Variants in ESR1 observed in about 807,000 individuals in gnomAD.
ESR1 encodes estrogen receptor 1.
A neutral mutation model predicts 52.7 loss-of-function variants in ESR1; 12 were observed. The ratio of observed to expected loss-of-function variants is 0.23; its 90% CI spans 0.15 to 0.37. The LOEUF (loss-of-function observed/expected upper bound fraction) is 0.37. ESR1 is among the 10% of genes least tolerant of loss of function. ESR1 has a pLI of 1.00. For missense variants in ESR1, 584 were observed against 779.7 expected, an observed-to-expected ratio of 0.75 and a Z score of 2.99; for synonymous variants, 305 against 316.8, an observed-to-expected ratio of 0.96 and a Z score of 0.39.
chr6:151,860,780 T>G (rs947701450), intron 2 of ESR1, among the ~76,000 whole-genome samples: 6 of 152,218 alleles, frequency 3.9e-5, no homozygotes, highest in Non-Finnish European at 8.8e-5. Context: ...TACAATTGAC[T>G]GTATAAATGT....
intron 1 of ESR1, among the ~76,000 whole-genome samples, chr6:151,809,579 G>A (rs1425977762): frequency 6.6e-6 from 1 of 152,142 alleles, no homozygotes; most frequent in Non-Finnish European, 1.5e-5. Flanking sequence ...GTAAGCCGTG[G>A]ACCAGTTTTT....
At chr6:151,815,646 G>A (rs941432861) in intron 1 of ESR1, among the ~76,000 whole-genome samples, 3 of 152,208 alleles carry the variant, frequency 2.0e-5, no homozygotes, top group African/African-American at 7.2e-5. Flanking sequence ...AGCATTCCAA[G>A]TACAGTCGGC....
At chr6:151,771,217 T>C (rs960753378) in intron 2 of ESR1, among the ~76,000 whole-genome samples, 3 of 152,228 alleles carry the variant, frequency 2.0e-5, no homozygotes, top group African/African-American at 4.8e-5. Context: ...TGATATACTT[T>C]TTATTGCTCA....
At chr6:151,732,673 G>A (rs1283950248) in intron 2 of ESR1, among the ~76,000 whole-genome samples, 1 of 151,982 alleles carries the variant, frequency 6.6e-6, no homozygotes, top group Non-Finnish European at 1.5e-5. Context: ...CCTTAACCCA[G>A]AATTAACTTC....
At chr6:151,780,375 AG>A (rs1786438002) in intron 2 of ESR1, among the ~76,000 whole-genome samples, 1 of 151,984 alleles carries the variant, frequency 6.6e-6, no homozygotes, top group African/African-American at 2.4e-5. Context: ...AAAAAGAAAA[AG>A]AAAAAAAACC....
intron 2 of ESR1, among the ~76,000 whole-genome samples, chr6:151,748,851 G>A (rs1021257687): frequency 5.9e-5 from 9 of 152,140 alleles, no homozygotes; most frequent in Non-Finnish European, 1.2e-4. Flanking sequence ...AAATATGCAG[G>A]CATAGAGATT....
At chr6:151,830,533 T>C (rs1428930664) in intron 1 of ESR1, among the ~76,000 whole-genome samples, 1 of 152,220 alleles carries the variant, frequency 6.6e-6, no homozygotes, top group East Asian at 1.9e-4. Flanking sequence ...TTACCTTTTT[T>C]CTATCATCCA....
chr6:151,997,053 G>T (rs1032573442), intron 4 of ESR1, among the ~76,000 whole-genome samples: 1 of 151,330 alleles, frequency 6.6e-6, no homozygotes, highest in East Asian at 2.0e-4. Flanking sequence ...TATGTAAGTA[G>T]ACTTCCTAGT....
rs1585264303 is a variant in ESR1 at position 152,101,758 on chromosome 6, C to T, written c.*2792C>T. On this transcript the variant is annotated 3_prime_UTR_variant, in exon 8 of 8. Transcript: ENST00000206249. ...ATGGTGGGGAAGTGGATTCAGGAAT[C>T]TGGGGAATGGCAAATATATTAAGAA... The T allele has an allele frequency of 1.3e-5, 3 of 230,484 alleles. No individual in the cohort carries two copies. The East Asian group carries it at 1.9e-4, about 14-fold the overall frequency. 14.3% of individuals were successfully genotyped at this position (230,484 alleles called of 1,614,324 possible). A position where few individuals can be genotyped will look rare whatever the true frequency, so the allele number is the denominator to read the frequency against.
rs1156493076 is a variant in ESR1, at chr6:151,850,080, T to TTATA, written c.643+7302_643+7305dup. Among the ~76,000 whole-genome samples, 1,675 of 48,454 alleles carry TTATA rather than the reference T, an allele frequency of 0.035. 219 individuals carry two copies. In the East Asian group the frequency reaches 0.38, roughly 11 times the overall value. 31.8% of individuals were successfully genotyped at this position (48,454 alleles called of 152,430 possible). ...TATAATTTTATATATATATAAAAAA[T>TTATA]TATATATATATAATTTTATATATAT... On this transcript the variant is annotated intron_variant, in intron 2 of 7. Transcript: ENST00000206249.
At chr6:151,773,973 T>C (rs1785737568) in intron 2 of ESR1, among the ~76,000 whole-genome samples, 1 of 151,818 alleles carries the variant, frequency 6.6e-6, no homozygotes, top group Non-Finnish European at 1.5e-5. Flanking sequence ...GAGAAAGCTT[T>C]CTGAAATAAG....
intron 6 of ESR1, among the ~76,000 whole-genome samples, chr6:152,072,320 T>C (rs1447008170): frequency 6.6e-6 from 1 of 152,166 alleles, no homozygotes; most frequent in Non-Finnish European, 1.5e-5. Flanking sequence ...GCATTTTATG[T>C]CTTATCCTCT....
intron 3 of ESR1, among the ~76,000 whole-genome samples, chr6:151,901,321 G>T (rs1796656579): frequency 6.6e-6 from 1 of 152,164 alleles, no homozygotes; most frequent in South Asian, 2.1e-4. Flanking sequence ...TTGTTTGCAG[G>T]CAGCGGATGA....
At chr6:151,882,773 G>C (rs1185830649) in intron 3 of ESR1, among the ~76,000 whole-genome samples, 1 of 143,250 alleles carries the variant, frequency 7.0e-6, no homozygotes, top group Non-Finnish European at 1.5e-5. Context: ...TTTTTTTTTT[G>C]TAATTAATAT....
intron 5 of ESR1, among the ~76,000 whole-genome samples, chr6:152,024,940 T>C (rs915268811): frequency 1.3e-5 from 2 of 151,404 alleles, no homozygotes; most frequent in African/African-American, 4.8e-5. Context: ...GAGATTGTTA[T>C]ACCTTTTCCT....
chr6:152,050,692 A>G (rs2046613203), intron 5 of ESR1, among the ~76,000 whole-genome samples: 1 of 152,194 alleles, frequency 6.6e-6, no homozygotes, highest in African/African-American at 2.4e-5. Context: ...CATGAGAGAG[A>G]CATGCTGTCC....
Position 151,930,762 on chromosome 6 carries a change from T to A in ESR1, c.761-13411T>A, listed in dbSNP as rs183433726. Among the ~76,000 whole-genome samples, 55 of 152,320 alleles carry A rather than the reference T, an allele frequency of 3.6e-4. 1 individual carries two copies. The highest frequency in any genetic ancestry group is 1.2e-3 in the African/African-American group (49 of 41,570). On this transcript the variant is annotated intron_variant, in intron 3 of 7. Coordinates refer to ENST00000206249, the MANE Select transcript of ESR1 (RefSeq NM_000125.4). The stretch of plus-strand genomic sequence containing the variant: ...TCTGAATTTTTGTCTGATTTTTTTT[T>A]AATATTTCCTTCACTTTTGAAGGAT...
intron 6 of ESR1, among the ~76,000 whole-genome samples, chr6:152,083,581 C>T (rs2049423537): frequency 6.6e-6 from 1 of 152,186 alleles, no homozygotes; most frequent in Admixed American, 6.5e-5. Context: ...AAAGCAATGG[C>T]ATCAAAAGCC....
At chr6:151,874,121 C>G (rs536524524) in intron 2 of ESR1, among the ~76,000 whole-genome samples, 6 of 152,264 alleles carry the variant, frequency 3.9e-5, no homozygotes, top group Non-Finnish European at 7.4e-5. Flanking sequence ...ATTTTTATTT[C>G]TGAGCCTTAA....
Sources: allele counts gnomAD v4.1 joint callset (sites outside exome capture counted in the v4.1 genomes callset), GRCh38; gene constraint gnomAD v4.1.1; transcripts MANE v1.5; gene names NCBI Gene and HGNC (gene_info 2026-07-23, HGNC 2026-07-21).